Variants in CDK19 observed in about 807,000 individuals in gnomAD.
The protein encoded by CDK19 is cyclin dependent kinase 19, also known as cyclin-dependent kinase 19.
Under a neutral mutation model 68.3 loss-of-function variants are expected in CDK19, and 20 were observed. The observed-to-expected ratio is 0.29, with a 90% CI of 0.21 to 0.43. The LOEUF (loss-of-function observed/expected upper bound fraction) is 0.43. Ranked by LOEUF, CDK19 falls within the 20% of genes least tolerant of loss-of-function variation. The pLI, the probability that CDK19 is intolerant of heterozygous loss-of-function variation, is 1.00. For synonymous variants in CDK19, 221 were observed against 222.8 expected (o/e 0.99, Z 0.07); for missense variants, 339 against 623.5 (o/e 0.54, Z 4.86).
intron 1 of CDK19, among the ~76,000 whole-genome samples, chr6:110,769,385 T>C (rs1779831891): frequency 6.6e-6 from 1 of 151,138 alleles, no homozygotes; most frequent in South Asian, 2.1e-4. Context: ...GCCACCATGG[T>C]GAAACCCTGT....
At chr6:110,802,352 A>G (rs1329219529) in intron 1 of CDK19, among the ~76,000 whole-genome samples, 4 of 152,274 alleles carry the variant, frequency 2.6e-5, no homozygotes, top group Non-Finnish European at 5.9e-5. Flanking sequence ...GCCATAAAAA[A>G]GAATGAAATC....
intron 1 of CDK19, among the ~76,000 whole-genome samples, chr6:110,773,010 G>A (rs1391352651): frequency 6.6e-6 from 1 of 150,996 alleles, no homozygotes; most frequent in East Asian, 1.9e-4. Flanking sequence ...GAGCCCAGGG[G>A]CTCAAGGCCA....
chr6:110,638,034 T>C (rs749446237), intron 5 of CDK19, among the ~76,000 whole-genome samples: 1 of 151,968 alleles, frequency 6.6e-6, no homozygotes, highest in African/African-American at 2.4e-5. Context: ...TCCCCAAATA[T>C]GTAATAGGTA....
chr6:110,805,489 G>A (rs1278504952), intron 1 of CDK19, among the ~76,000 whole-genome samples: 1 of 151,526 alleles, frequency 6.6e-6, no homozygotes, highest in African/African-American at 2.4e-5. Flanking sequence ...AAAACAAATA[G>A]ATGTCCCTCA....
chr6:110,668,759 A>T lies in CDK19; in HGVS notation c.316-1185T>A, dbSNP rs576835365. On this transcript the variant is annotated intron_variant, in intron 3 of 12. Coordinates refer to ENST00000368911, the MANE Select transcript of CDK19 (RefSeq NM_015076.5). ...AGGCAGGAGAATCACTTGAACCCAG[A>T]AGGCGGAGGTTGCAGTGAGCTGAGA... Among the ~76,000 whole-genome samples, 14 of 151,930 alleles carry T rather than the reference A, an allele frequency of 9.2e-5. No individual in the cohort carries two copies. The South Asian group carries it at 2.1e-3, about 23-fold the overall frequency.
chr6:110,747,163 G>A (rs1778136253), intron 1 of CDK19, among the ~76,000 whole-genome samples: 1 of 152,124 alleles, frequency 6.6e-6, no homozygotes, highest in Non-Finnish European at 1.5e-5. Flanking sequence ...CCAAAGTAGT[G>A]CCACATCTGT....
intron 2 of CDK19, among the ~76,000 whole-genome samples, chr6:110,731,154 A>C (rs1195906040): frequency 6.6e-6 from 1 of 152,056 alleles, no homozygotes; most frequent in Non-Finnish European, 1.5e-5. Flanking sequence ...AAAGAAAAGA[A>C]AAGAAATTAA....
At chr6:110,781,338 C>T (rs780718312) in intron 1 of CDK19, among the ~76,000 whole-genome samples, 19 of 152,050 alleles carry the variant, frequency 1.2e-4, no homozygotes, top group Admixed American at 5.9e-4. Context: ...CCCTGGGAAC[C>T]GATAGAGCAA....
At chr6:110,710,958 A>T (rs533682649) in intron 2 of CDK19, among the ~76,000 whole-genome samples, 2 of 152,356 alleles carry the variant, frequency 1.3e-5, no homozygotes, top group Admixed American at 1.3e-4. Flanking sequence ...GGTTAGCCGC[A>T]ACTGATCTAA....
chr6:110,761,858 A>G (rs1779254146), intron 1 of CDK19, among the ~76,000 whole-genome samples: 1 of 152,184 alleles, frequency 6.6e-6, no homozygotes, highest in Admixed American at 6.5e-5. Flanking sequence ...TCACATATTT[A>G]TGGGTATTTG....
At chr6:110,753,183 G>C (rs947467724) in intron 1 of CDK19, among the ~76,000 whole-genome samples, 3 of 151,986 alleles carry the variant, frequency 2.0e-5, no homozygotes, top group Non-Finnish European at 2.9e-5. Flanking sequence ...GCCCACCTTG[G>C]CCTCTCAAAG....
intron 1 of CDK19, among the ~76,000 whole-genome samples, chr6:110,766,814 A>G (rs916796859): frequency 6.6e-6 from 1 of 152,006 alleles, no homozygotes; most frequent in African/African-American, 2.4e-5. Context: ...AGCCTGGGCA[A>G]TATAGTGAGA....
At chr6:110,646,417 G>A (rs1780581657) in intron 4 of CDK19, 5 of 1,494,210 alleles carry the variant, frequency 3.3e-6, no homozygotes, top group Non-Finnish European at 3.6e-6. Context: ...GCGGCGACAT[G>A]GCCTTCCCGC....
At chr6:110,646,324 G>A (rs768388975) in intron 4 of CDK19, 8 of 1,482,456 alleles carry the variant, frequency 5.4e-6, no homozygotes, top group Non-Finnish European at 7.1e-6. Flanking sequence ...CTGCGCGAAC[G>A]GGCCCACGAC....
intron 2 of CDK19, among the ~76,000 whole-genome samples, chr6:110,687,455 A>AT (rs1772589778): frequency 6.6e-6 from 1 of 152,242 alleles, no homozygotes; most frequent in Non-Finnish European, 1.5e-5. Flanking sequence ...CCTCACAGGA[A>AT]TTTTAACAGT....
In CDK19 at chr6:110,626,766, A is replaced by G; in HGVS notation, c.860+10T>C. On this transcript the variant is annotated intron_variant, in intron 8 of 12. Coordinates refer to ENST00000368911, the MANE Select transcript of CDK19 (RefSeq NM_015076.5). ...GCACAAAAAGACTAAGACTGTGTGG[A>G]ATTACTTACGTTGTTCTTCTAAAGT... 6.7e-7 allele frequency: 1 copy of G among 1,496,822 alleles called. No individual in the cohort carries two copies. Among genetic ancestry groups the G allele is most frequent in the Non-Finnish European group, 9.2e-7 (1 of 1,088,652 alleles). The allele number at this position is 1,496,822 out of a possible 1,614,324, so 92.7% of individuals were successfully genotyped here.
chr6:110,780,822 A>G (rs904240399), intron 1 of CDK19, among the ~76,000 whole-genome samples: 3 of 152,228 alleles, frequency 2.0e-5, no homozygotes, highest in Admixed American at 2.0e-4. Flanking sequence ...AAGATTTCCC[A>G]TCTTCCAGAG....
At chr6:110,728,090 C>T (rs1039834831) in intron 2 of CDK19, among the ~76,000 whole-genome samples, 2 of 151,844 alleles carry the variant, frequency 1.3e-5, no homozygotes, top group Admixed American at 6.6e-5. Flanking sequence ...GAGTTCAAGA[C>T]CAGCCTGAGC....
intron 1 of CDK19, among the ~76,000 whole-genome samples, chr6:110,772,577 T>C (rs1409805780): frequency 1.3e-5 from 2 of 152,168 alleles, no homozygotes; most frequent in African/African-American, 4.8e-5. Context: ...ATCTAAAAAC[T>C]AGTCACATTA....
Sources: allele counts gnomAD v4.1 joint callset (sites outside exome capture counted in the v4.1 genomes callset), GRCh38; gene constraint gnomAD v4.1.1; transcripts MANE v1.5; gene names NCBI Gene and HGNC (gene_info 2026-07-23, HGNC 2026-07-21).